The following DPYSL5 variants were observed in gnomAD, a reference collection of about 807,000 sequenced individuals.
The protein encoded by DPYSL5 is dihydropyrimidinase-related protein 5.
DPYSL5 carries 9 observed loss-of-function variants against 58.4 expected under a neutral mutation model. The observed-to-expected ratio is 0.15, with a 90% CI of 0.09 to 0.27. DPYSL5 has a LOEUF of 0.27. DPYSL5 is among the 10% of genes least tolerant of loss of function. The probability of loss-of-function intolerance (pLI) is 1.00; values close to 1 mark genes in which losing one functional copy is unlikely to be tolerated. For missense variants in DPYSL5, 499 were observed against 770.6 expected, an observed-to-expected ratio of 0.65 and a Z score of 4.17; for synonymous variants, 293 against 301.9, an observed-to-expected ratio of 0.97 and a Z score of 0.31.
chr2:26,931,153 AT>A (rs1254821526), intron 5 of DPYSL5, among the ~76,000 whole-genome samples: 876 of 27,214 alleles, frequency 0.032, 18 homozygotes, highest in African/African-American at 0.063. Flanking sequence ...AAAAAAAAAA[AT>A]ATATATATAT....
intron 1 of DPYSL5, among the ~76,000 whole-genome samples, chr2:26,876,082 AT>A (rs2148120659): frequency 6.6e-6 from 1 of 152,354 alleles, no homozygotes; most frequent in Admixed American, 6.5e-5. Context: ...AGACTCAACC[AT>A]CAGGAAAAGC....
At chr2:26,936,716 C>T (rs1218901999) in intron 8 of DPYSL5, among the ~76,000 whole-genome samples, 1 of 151,952 alleles carries the variant, frequency 6.6e-6, no homozygotes, top group Non-Finnish European at 1.5e-5. Flanking sequence ...CTTTGGGAGG[C>T]GGAGTCAGGC....
intron 5 of DPYSL5, among the ~76,000 whole-genome samples, chr2:26,929,403 T>C (rs1664915693): frequency 6.6e-6 from 1 of 152,184 alleles, no homozygotes. Flanking sequence ...CAGCTAATTT[T>C]GTATGTTTAG....
At chr2:26,850,110 AT>A (rs1268153639) in intron 1 of DPYSL5, among the ~76,000 whole-genome samples, 4 of 152,150 alleles carry the variant, frequency 2.6e-5, no homozygotes, top group African/African-American at 9.7e-5. Context: ...GCTGGTGCGG[AT>A]TGTGGTCAAA....
intron 1 of DPYSL5, among the ~76,000 whole-genome samples, chr2:26,865,801 T>A (rs1220321371): frequency 6.6e-6 from 1 of 152,176 alleles, no homozygotes; most frequent in Non-Finnish European, 1.5e-5. Context: ...AGCAATGAAT[T>A]GGGACATTTA....
In DPYSL5 at chr2:26,934,696, C is replaced by T. The variant is rs1170810382; in HGVS notation, c.909C>T (p.Asp303=). 4 of 1,614,196 alleles carry T rather than the reference C, an allele frequency of 2.5e-6. No individual in the cohort carries two copies. Among genetic ancestry groups the T allele is most frequent in the Admixed American group, 3.3e-5 (2 of 60,024 alleles). ...AYVTVPPLRL[D]TNTSTYLMSL... is the part of the protein sequence containing the mutation. ...TCACGGTGCCTCCCCTGAGACTGGA[C>T]ACCAACACCTCAACCTACCTCATGA... is the stretch of plus-strand genomic sequence containing the variant. Residue 303 remains aspartate (D), a synonymous_variant, in exon 8 of 13, where the codon GAC becomes GAT. Transcript: ENST00000288699. This position sits in a 1 kb window ranked among gnomAD's most constrained non-coding sequence, Gnocchi z 4.3.
At chr2:26,895,571 G>A (rs1663989806) in intron 1 of DPYSL5, among the ~76,000 whole-genome samples, 1 of 152,074 alleles carries the variant, frequency 6.6e-6, no homozygotes, top group Non-Finnish European at 1.5e-5. Flanking sequence ...CATATAATGA[G>A]AGGTTAGAAC....
intron 2 of DPYSL5, among the ~76,000 whole-genome samples, chr2:26,902,148 A>T (rs1223522073): frequency 1.3e-5 from 2 of 151,992 alleles, no homozygotes; most frequent in Non-Finnish European, 2.9e-5. Context: ...TCCAAAAAGG[A>T]GGTTATCTCC....
chr2:26,908,582 G>GA (rs1558341047), intron 2 of DPYSL5, among the ~76,000 whole-genome samples: 1 of 152,198 alleles, frequency 6.6e-6, no homozygotes, highest in Non-Finnish European at 1.5e-5. Context: ...CTGGTATTGG[G>GA]AAAAAACCTC....
intron 12 of DPYSL5, among the ~76,000 whole-genome samples, chr2:26,946,548 G>A (rs1357522061): frequency 6.6e-6 from 1 of 151,722 alleles, no homozygotes; most frequent in Non-Finnish European, 1.5e-5. Context: ...TTTCTCTCTC[G>A]CTTACTCACT....
chr2:26,895,339 C>G (rs1054280667), intron 1 of DPYSL5, among the ~76,000 whole-genome samples: 7 of 152,208 alleles, frequency 4.6e-5, no homozygotes, highest in African/African-American at 1.7e-4. Context: ...CATGTTGAGT[C>G]TTCCAATCCA....
intron 5 of DPYSL5, among the ~76,000 whole-genome samples, chr2:26,930,440 G>A (rs777495087): frequency 2.0e-5 from 3 of 152,190 alleles, no homozygotes; most frequent in Non-Finnish European, 4.4e-5. Flanking sequence ...CCCAACCTGG[G>A]GGGCAGGGCG....
At position 26,905,793 on chromosome 2, in the gene DPYSL5, A is replaced by G. The variant is rs1664272874; in HGVS notation, c.261+7033A>G. 6.6e-6 allele frequency among the ~76,000 whole-genome samples: 1 copy of G among 152,204 alleles called. No homozygotes were observed. Among genetic ancestry groups the G allele is most frequent in the Non-Finnish European group, 1.5e-5 (1 of 68,036 alleles). ...AGGGTATATTAGTTTTCTGCTGTGT[A>G]ACTAATTGCCTCAAGTTCAGCAATT... is the stretch of plus-strand genomic sequence containing the variant. On this transcript the variant is annotated intron_variant, in intron 2 of 12. Coordinates refer to ENST00000288699, the MANE Select transcript of DPYSL5 (RefSeq NM_020134.4). This position sits in a 1 kb window ranked among gnomAD's most constrained non-coding sequence, Gnocchi z 4.0.
At position 26,849,609 on chromosome 2, in the gene DPYSL5, C is replaced by T. The variant is rs919517374; in HGVS notation, c.-5+1355C>T. 6.6e-6 allele frequency among the ~76,000 whole-genome samples: 1 copy of T among 152,232 alleles called. No homozygotes were observed. Among genetic ancestry groups the T allele is most frequent in the African/African-American group, 2.4e-5 (1 of 41,472 alleles). On this transcript the variant is annotated intron_variant, in intron 1 of 12. Coordinates refer to ENST00000288699, the MANE Select transcript of DPYSL5 (RefSeq NM_020134.4). The surrounding 1 kb of genome is among the most constrained non-coding windows in gnomAD (Gnocchi z 6.2). ...GCCCTTTTCTCGAGGAGCTGAAAGG[C>T]TTTGCCCAGCAGCAGGTGCTGCCAG...
At chr2:26,870,488 G>A (rs888619605) in intron 1 of DPYSL5, among the ~76,000 whole-genome samples, 1 of 152,134 alleles carries the variant, frequency 6.6e-6, no homozygotes, top group African/African-American at 2.4e-5. Flanking sequence ...CTATGTTCAT[G>A]AGGTTTGTCC....
At position 26,933,120 on chromosome 2, in the gene DPYSL5, A is replaced by AG; in HGVS notation, c.715-136dup. 1 of 757,460 alleles carries AG rather than the reference A, an allele frequency of 1.3e-6. No individual in the cohort carries two copies. The highest frequency in any genetic ancestry group is 2.4e-6 in the Non-Finnish European group (1 of 424,126). The allele number at this position is 757,460 out of a possible 1,614,324, so 46.9% of individuals were successfully genotyped here. On this transcript the variant is annotated intron_variant, in intron 6 of 12. Coordinates refer to ENST00000288699, the MANE Select transcript of DPYSL5 (RefSeq NM_020134.4). The surrounding 1 kb of genome is among the most constrained non-coding windows in gnomAD (Gnocchi z 4.2). ...CTGCCAGCCCTGCATTCTCCGCTTA[A>AG]GGACTGTCACCTTGAGGGTGGGGTT... is the stretch of plus-strand genomic sequence containing the variant.
intron 1 of DPYSL5, among the ~76,000 whole-genome samples, chr2:26,867,581 A>T (rs373812518): frequency 3.0e-4 from 44 of 149,122 alleles, no homozygotes; most frequent in African/African-American, 9.9e-4. Context: ...TCAGCCTCCC[A>T]AGTAGCTGGG....
rs1476476905 is a variant in DPYSL5, at chr2:26,905,608, G to A, written c.261+6848G>A. On this transcript the variant is annotated intron_variant, in intron 2 of 12. Transcript: ENST00000288699. This position sits in a 1 kb window ranked among gnomAD's most constrained non-coding sequence, Gnocchi z 4.0. ...ACCACCCCTCCGGCCTAGCTGTGGG[G>A]GCTGGGATTGGCATAGCTGGGCTCC... is the stretch of plus-strand genomic sequence containing the variant. Among the ~76,000 whole-genome samples, 3 of 152,046 alleles carry A rather than the reference G, an allele frequency of 2.0e-5. No individual in the cohort carries two copies. The highest frequency in any genetic ancestry group is 4.4e-5 in the Non-Finnish European group (3 of 68,020).
At chr2:26,907,234 C>A (rs1664317643) in intron 2 of DPYSL5, among the ~76,000 whole-genome samples, 1 of 152,118 alleles carries the variant, frequency 6.6e-6, no homozygotes, top group Non-Finnish European at 1.5e-5. Context: ...CCTGTCTCAG[C>A]CTCCCAAGTA....
Sources: allele counts gnomAD v4.1 joint callset (sites outside exome capture counted in the v4.1 genomes callset), GRCh38; gene constraint gnomAD v4.1.1; non-coding constraint Gnocchi (gnomAD v3.1); transcripts MANE v1.5; gene names NCBI Gene and HGNC (gene_info 2026-07-23, HGNC 2026-07-21).